Variants in ANAPC10 observed in about 807,000 individuals in gnomAD.
ANAPC10 encodes the protein anaphase promoting complex subunit 10.
In ANAPC10, 12 loss-of-function variants were observed where a neutral mutation model predicts 22.0. That is an observed-to-expected ratio of 0.55 (90% CI 0.35 to 0.88). The LOEUF (loss-of-function observed/expected upper bound fraction) is 0.88, where lower values mean the gene tolerates loss of function less well. ANAPC10 is among the 40% of genes least tolerant of loss of function. ANAPC10 has a pLI of 0.01. For missense variants in ANAPC10, 188 were observed against 220.9 expected, an observed-to-expected ratio of 0.85 and a Z score of 0.94; for synonymous variants, 65 against 69.5, an observed-to-expected ratio of 0.94 and a Z score of 0.32.
chr4:145,020,389 T>A (rs537713471), intron 4 of ANAPC10, among the ~76,000 whole-genome samples: 1 of 152,236 alleles, frequency 6.6e-6, no homozygotes, highest in Non-Finnish European at 1.5e-5. Flanking sequence ...AGCATCCCTT[T>A]ATGATTAAAA....
intron 4 of ANAPC10, among the ~76,000 whole-genome samples, chr4:145,025,369 T>C (rs1430862083): frequency 7.0e-6 from 1 of 143,788 alleles, no homozygotes; most frequent in Non-Finnish European, 1.5e-5. Flanking sequence ...TTTCTAGCTT[T>C]TGAGTTAAAG....
At chr4:145,012,998 C>T (rs544139384) in intron 4 of ANAPC10, among the ~76,000 whole-genome samples, 2 of 152,198 alleles carry the variant, frequency 1.3e-5, no homozygotes, top group East Asian at 1.9e-4. Flanking sequence ...CTCCCTCTTC[C>T]CTCTCTTCCT....
chr4:145,084,988 C>A (rs147395967), intron 2 of ANAPC10, among the ~76,000 whole-genome samples: 3,018 of 152,276 alleles, frequency 0.02, 45 homozygotes, highest in Middle Eastern at 0.044. Context: ...GACAGTCATG[C>A]TTCAAATCAT....
intron 2 of ANAPC10, among the ~76,000 whole-genome samples, chr4:145,082,642 G>A (rs753790805): frequency 1.8e-4 from 28 of 152,092 alleles, no homozygotes; most frequent in Non-Finnish European, 3.1e-4. Flanking sequence ...GAAGCCAAAT[G>A]CTTCTGATTA....
intron 4 of ANAPC10, among the ~76,000 whole-genome samples, chr4:145,044,452 T>C (rs1359284860): frequency 6.6e-6 from 1 of 152,098 alleles, no homozygotes; most frequent in Non-Finnish European, 1.5e-5. Context: ...TTCTCCTTTC[T>C]ATCCTTTGCA....
chr4:145,049,005 G>T lies in ANAPC10; in HGVS notation c.327+15567C>A, dbSNP rs542496096. Among the ~76,000 whole-genome samples the T allele has an allele frequency of 3.3e-5, 5 of 152,298 alleles. No homozygotes were observed. In the South Asian group the frequency reaches 1.0e-3, roughly 32 times the overall value. ...GCAATAAAGTGAGTATCACAATAAA[G>T]TGAGTCAGTCATACAATGTTTTGGT... On this transcript the variant is annotated intron_variant, in intron 4 of 4. Transcript: ENST00000507656.
At chr4:145,063,813 C>T (rs1320440988) in intron 4 of ANAPC10, among the ~76,000 whole-genome samples, 1 of 152,038 alleles carries the variant, frequency 6.6e-6, no homozygotes, top group East Asian at 1.9e-4. Flanking sequence ...CATTCAACTA[C>T]GTGGACAAAT....
chr4:145,097,763 A>T (rs1748798408), intron 1 of ANAPC10: 1 of 343,734 alleles, frequency 2.9e-6, no homozygotes, highest in African/African-American at 2.1e-5. Context: ...CCTGTTACCT[A>T]AAAAAAGATA....
At chr4:145,003,404 A>C (rs1456804339) in intron 4 of ANAPC10, among the ~76,000 whole-genome samples, 2 of 152,172 alleles carry the variant, frequency 1.3e-5, no homozygotes, top group African/African-American at 4.8e-5. Context: ...GAATAATGGA[A>C]TTTGTGGGTG....
intron 4 of ANAPC10, among the ~76,000 whole-genome samples, chr4:145,036,024 T>C (rs758867863): frequency 9.9e-5 from 15 of 152,156 alleles, no homozygotes; most frequent in Non-Finnish European, 1.9e-4. Context: ...AATTTAGACA[T>C]ATGTTGGTAA....
chr4:144,995,532 A>G lies in ANAPC10; in HGVS notation c.399T>C (p.Arg133=). The G allele has an allele frequency of 6.2e-7, 1 of 1,613,954 alleles. No homozygotes were observed. The change falls in exon 5 of 5, where the codon CGT becomes CGC. Residue 133 remains arginine (R), a synonymous_variant. Transcript: ENST00000507656. ...GAACAGCAATCTGTATCATGAATGTACGAGTTGGCTTCTTATGATTGTCAG... is the reference window on the plus strand; with the variant it reads ...GAACAGCAATCTGTATCATGAATGTGCGAGTTGGCTTCTTATGATTGTCAG... ...PLTDNHKKPT[R]TFMIQIAVLA...
chr4:145,053,931 A>T (rs1408763571), intron 4 of ANAPC10, among the ~76,000 whole-genome samples: 2 of 151,092 alleles, frequency 1.3e-5, no homozygotes, highest in Non-Finnish European at 3.0e-5. Context: ...TTTTTTTTAG[A>T]TGAAGTCTCT....
intron 3 of ANAPC10, among the ~76,000 whole-genome samples, chr4:145,076,462 T>C (rs1745211692): frequency 6.6e-6 from 1 of 152,078 alleles, no homozygotes; most frequent in South Asian, 2.1e-4. Flanking sequence ...GACAGCAACT[T>C]CAAAGATTAA....
intron 4 of ANAPC10, among the ~76,000 whole-genome samples, chr4:145,051,442 T>C (rs1286526611): frequency 2.0e-5 from 3 of 152,084 alleles, no homozygotes; most frequent in Admixed American, 6.6e-5. Context: ...CAAAATGTGA[T>C]AGAAACAGGA....
intron 4 of ANAPC10, among the ~76,000 whole-genome samples, chr4:145,040,800 G>A (rs927312423): frequency 6.6e-6 from 1 of 151,952 alleles, no homozygotes; most frequent in Admixed American, 6.6e-5. Context: ...AATAAATACC[G>A]ACAACTCAAA....
Position 145,097,524 on chromosome 4 carries a change from A to T in ANAPC10, c.-13+596T>A, listed in dbSNP as rs1482247327. 3.1e-6 allele frequency: 4 copies of T among 1,287,196 alleles called. No individual in the cohort carries two copies. The East Asian group carries it at 1.7e-4, about 54-fold the overall frequency. The allele number at this position is 1,287,196 out of a possible 1,614,324, so 79.7% of individuals were successfully genotyped here. ...TCCTTGACACCTCCCATTGTATCCGAAGTTGTTCTTTAATCGGCACACAAG... is the reference window on the plus strand; with the variant it reads ...TCCTTGACACCTCCCATTGTATCCGTAGTTGTTCTTTAATCGGCACACAAG... On this transcript the variant is annotated intron_variant, in intron 1 of 4. Coordinates refer to ENST00000507656, the MANE Select transcript of ANAPC10 (RefSeq NM_001256706.2).
At chr4:145,063,157 T>C (rs778934959) in intron 4 of ANAPC10, among the ~76,000 whole-genome samples, 27 of 152,154 alleles carry the variant, frequency 1.8e-4, no homozygotes, top group Non-Finnish European at 3.1e-4. Flanking sequence ...AGAGTGGATT[T>C]TGAGAGTTCT....
intron 4 of ANAPC10, among the ~76,000 whole-genome samples, chr4:145,015,015 G>C (rs1029521778): frequency 6.6e-6 from 1 of 152,012 alleles, no homozygotes; most frequent in Non-Finnish European, 1.5e-5. Flanking sequence ...CTGGTAATAT[G>C]ACAAAACAAG....
intron 4 of ANAPC10, among the ~76,000 whole-genome samples, chr4:145,060,544 G>A (rs1197548019): frequency 1.3e-5 from 2 of 151,410 alleles, no homozygotes; most frequent in Non-Finnish European, 3.0e-5. Flanking sequence ...CAAAAAATAA[G>A]CATCTCAAGT....
Sources: gnomAD v4.1 joint callset for allele counts (sites outside exome capture counted in the v4.1 genomes callset) on GRCh38, gnomAD v4.1.1 for gene constraint, MANE v1.5 for transcripts, NCBI Gene and HGNC (gene_info 2026-07-23, HGNC 2026-07-21) for gene names.